NALF1: variants seen among roughly 807,000 people sequenced by gnomAD.
NALF1 encodes family with sequence similarity 155 member A.
Under a neutral mutation model 48.4 loss-of-function variants are expected in NALF1, and 3 were observed. The observed-to-expected ratio is 0.06, with a 90% CI of 0.03 to 0.16. The LOEUF is 0.16. Among genes scored for constraint, NALF1 ranks in the 10% least tolerant of loss-of-function variants. NALF1 has a pLI of 1.00. For synonymous variants in NALF1, 262 were observed against 245.7 expected, an observed-to-expected ratio of 1.07 and a Z score of -0.62; for missense variants, 526 against 571.5, an observed-to-expected ratio of 0.92 and a Z score of 0.81.
intron 1 of NALF1, among the ~76,000 whole-genome samples, chr13:107,671,458 A>G (rs1436614407): frequency 6.6e-6 from 1 of 152,128 alleles, no homozygotes; most frequent in Non-Finnish European, 1.5e-5. Context: ...AGTCTCTTAC[A>G]CTGCATTAAA....
intron 1 of NALF1, among the ~76,000 whole-genome samples, chr13:107,373,671 C>A (rs542375302): frequency 2.5e-3 from 379 of 152,336 alleles, no homozygotes; most frequent in Non-Finnish European, 4.7e-3. Flanking sequence ...AAGCATCAAC[C>A]TGGTCTCTGA....
chr13:107,276,981 T>C (rs1471451438), intron 1 of NALF1, among the ~76,000 whole-genome samples: 3 of 152,078 alleles, frequency 2.0e-5, no homozygotes, highest in Non-Finnish European at 4.4e-5. Flanking sequence ...CAAAAACACT[T>C]CCAAATTAAC....
At chr13:107,831,078 C>T (rs931444668) in intron 1 of NALF1, among the ~76,000 whole-genome samples, 6 of 152,076 alleles carry the variant, frequency 3.9e-5, no homozygotes, top group Admixed American at 3.9e-4. Context: ...GAAGAGTGTC[C>T]TCAAAATAGA....
chr13:107,547,764 A>T lies in NALF1; in HGVS notation c.915+317918T>A, dbSNP rs973992635. On this transcript the variant is annotated intron_variant, in intron 1 of 2. Coordinates refer to ENST00000375915, the MANE Select transcript of NALF1 (RefSeq NM_001080396.3). ...CAACACGGCATTTAACAGAGTGGTA[A>T]TTACCCACTTCTCTTAAATTGAAAT... 3.3e-5 allele frequency among the ~76,000 whole-genome samples: 5 copies of T among 152,288 alleles called. No individual in the cohort carries two copies. The South Asian group carries it at 1.0e-3, about 32-fold the overall frequency.
chr13:107,317,820 T>C (rs1445427967), intron 1 of NALF1, among the ~76,000 whole-genome samples: 1 of 151,198 alleles, frequency 6.6e-6, no homozygotes, highest in Non-Finnish European at 1.5e-5. Flanking sequence ...TGAGAGAAAA[T>C]GAAGCATTAA....
At chr13:107,603,180 C>G (rs1878978819) in intron 1 of NALF1, among the ~76,000 whole-genome samples, 1 of 152,088 alleles carries the variant, frequency 6.6e-6, no homozygotes, top group African/African-American at 2.4e-5. Flanking sequence ...ATTAGTTTTA[C>G]AATTTAGACA....
At chr13:107,506,600 T>C (rs1224017936) in intron 1 of NALF1, among the ~76,000 whole-genome samples, 2 of 129,902 alleles carry the variant, frequency 1.5e-5, no homozygotes, top group African/African-American at 5.6e-5. Context: ...TTTTCTCTAT[T>C]TATTTTGGAA....
At chr13:107,859,134 G>A (rs1880505426) in intron 1 of NALF1, among the ~76,000 whole-genome samples, 2 of 152,138 alleles carry the variant, frequency 1.3e-5, no homozygotes, top group East Asian at 3.8e-4. Flanking sequence ...ACCCAGCGAT[G>A]GAAAGAAGGC....
At chr13:107,444,247 A>G (rs1017864055) in intron 1 of NALF1, among the ~76,000 whole-genome samples, 9 of 152,200 alleles carry the variant, frequency 5.9e-5, no homozygotes, top group African/African-American at 2.2e-4. Flanking sequence ...ATAAATTTTC[A>G]CAAATGTTTT....
At chr13:107,825,502 C>G (rs1879488838) in intron 1 of NALF1, among the ~76,000 whole-genome samples, 2 of 152,152 alleles carry the variant, frequency 1.3e-5, no homozygotes, top group African/African-American at 4.8e-5. Context: ...CATAATTAGG[C>G]CTCAATCCTT....
chr13:107,851,483 T>C (rs1165728291), intron 1 of NALF1, among the ~76,000 whole-genome samples: 1 of 152,134 alleles, frequency 6.6e-6, no homozygotes, highest in Non-Finnish European at 1.5e-5. Context: ...ACTGTATTTA[T>C]ATTTCCCATA....
At chr13:107,800,135 TAAGG>T (rs1472708036) in intron 1 of NALF1, among the ~76,000 whole-genome samples, 1 of 151,964 alleles carries the variant, frequency 6.6e-6, no homozygotes, top group African/African-American at 2.4e-5. Flanking sequence ...AATACAGAAC[TAAGG>T]AAGAGAAAAA....
In NALF1 at chr13:107,627,737, C is replaced by T. The variant is rs111757351; in HGVS notation, c.915+237945G>A. ...ATTTTCCACCCTGTCATCCCATAGG[C>T]TATTATTAGAAATATCAGCAGTCTG... On this transcript the variant is annotated intron_variant, in intron 1 of 2. Coordinates refer to ENST00000375915, the MANE Select transcript of NALF1 (RefSeq NM_001080396.3). 4.9e-3 allele frequency among the ~76,000 whole-genome samples: 739 copies of T among 152,124 alleles called. 4 individuals carry two copies. Among genetic ancestry groups the T allele is most frequent in the Middle Eastern group, 0.027 (8 of 294 alleles).
intron 1 of NALF1, among the ~76,000 whole-genome samples, chr13:107,536,440 AAAG>A (rs1566382759): frequency 6.6e-6 from 1 of 152,348 alleles, no homozygotes; most frequent in African/African-American, 2.4e-5. Context: ...ACACTTCTCA[AAAG>A]AAGACATTTA....
chr13:107,271,144 C>T (rs1158027169), intron 1 of NALF1, among the ~76,000 whole-genome samples: 1 of 152,092 alleles, frequency 6.6e-6, no homozygotes, highest in African/African-American at 2.4e-5. Context: ...ATGACCTCTA[C>T]CACTGATGTT....
At chr13:107,241,491 G>A (rs1162685488) in intron 1 of NALF1, among the ~76,000 whole-genome samples, 2 of 152,140 alleles carry the variant, frequency 1.3e-5, no homozygotes, top group Admixed American at 1.3e-4. Context: ...TCAGCTCCTG[G>A]CTCAGTAGCC....
intron 1 of NALF1, among the ~76,000 whole-genome samples, chr13:107,569,122 A>T (rs1877902795): frequency 1.3e-5 from 2 of 152,108 alleles, no homozygotes; most frequent in East Asian, 3.9e-4. Context: ...ATACAGGTCA[A>T]AGTTTATCTT....
chr13:107,328,716 TAGA>T (rs1053644960), intron 1 of NALF1, among the ~76,000 whole-genome samples: 2 of 152,118 alleles, frequency 1.3e-5, no homozygotes, highest in Non-Finnish European at 2.9e-5. Flanking sequence ...AAGGAAGAAA[TAGA>T]AGAATAACCT....
chr13:107,631,724 A>C (rs1170444488), intron 1 of NALF1, among the ~76,000 whole-genome samples: 1 of 152,100 alleles, frequency 6.6e-6, no homozygotes, highest in Non-Finnish European at 1.5e-5. Context: ...GGTTTTCTTT[A>C]TGATAAGCCT....
Sources: gnomAD v4.1 joint callset for allele counts (sites outside exome capture counted in the v4.1 genomes callset) on GRCh38, gnomAD v4.1.1 for gene constraint, MANE v1.5 for transcripts, NCBI Gene and HGNC (gene_info 2026-07-23, HGNC 2026-07-21) for gene names.